Variants in EPM2A observed in about 807,000 individuals in gnomAD.
EPM2A encodes the protein EPM2A glucan phosphatase, laforin, also known as laforin.
In EPM2A, 21 loss-of-function variants were observed where a neutral mutation model predicts 26.5. The observed-to-expected ratio is 0.79, with a 90% CI of 0.56 to 1.14. The LOEUF is 1.14. Ranked by LOEUF, EPM2A falls within the 50% of genes most tolerant of loss-of-function variation. The pLI is 0.00. For synonymous variants in EPM2A, 217 were observed against 177.6 expected (o/e 1.22, Z -1.76); for missense variants, 458 against 440.8 (o/e 1.04, Z -0.35).
chr6:145,445,055 G>T (rs1254196334), intron 4 of EPM2A, among the ~76,000 whole-genome samples: 1 of 152,028 alleles, frequency 6.6e-6, no homozygotes, highest in Admixed American at 6.6e-5. Context: ...AAGGTGCTGT[G>T]TGTGTATATT....
chr6:145,600,024 T>C (rs147905041), intron 2 of EPM2A, among the ~76,000 whole-genome samples: 2 of 152,290 alleles, frequency 1.3e-5, no homozygotes, highest in Admixed American at 1.3e-4. Context: ...TTTCTGGATA[T>C]AAAAATGATA....
intron 4 of EPM2A, chr6:145,489,917 G>C: frequency 3.7e-6 from 5 of 1,350,176 alleles, no homozygotes; most frequent in East Asian, 2.3e-5. Context: ...GTCTGAATTC[G>C]ACCCACTTCT....
chr6:145,723,402 ATAATT>A (rs1487180178), intron 1 of EPM2A, among the ~76,000 whole-genome samples: 1 of 152,178 alleles, frequency 6.6e-6, no homozygotes, highest in Non-Finnish European at 1.5e-5. Context: ...CAAGAAAGAT[ATAATT>A]TAGACTATAT....
chr6:145,627,848 G>A lies in EPM2A; in HGVS notation c.719-155C>T, dbSNP rs906649133. The A allele has an allele frequency of 4.6e-6, 5 of 1,096,718 alleles. No individual in the cohort carries two copies. In the Admixed American group the frequency reaches 9.3e-5, roughly 20 times the overall value. The allele number at this position is 1,096,718 out of a possible 1,614,324, so 67.9% of individuals were successfully genotyped here. On this transcript the variant is annotated intron_variant, in intron 3 of 3. Transcript: ENST00000367519. ...CTTTCTGCATTGTGAAGGAAAAAGT[G>A]AGACCATTTTACAATCTGCTAATAG...
chr6:145,532,497 TG>T (rs1225556806), intron 2 of EPM2A, among the ~76,000 whole-genome samples: 2 of 151,754 alleles, frequency 1.3e-5, no homozygotes, highest in African/African-American at 4.8e-5. Context: ...TCTCTGGGGG[TG>T]GGGGGAGGCA....
intron 2 of EPM2A, among the ~76,000 whole-genome samples, chr6:145,525,640 G>C (rs899992653): frequency 6.6e-6 from 1 of 152,054 alleles, no homozygotes; most frequent in African/African-American, 2.4e-5. Context: ...TGTGTACATT[G>C]ATTTTGTTTC....
At chr6:145,735,132 G>T in intron 1 of EPM2A, 66 bp downstream of exon 1, 2 of 1,269,182 alleles carry the variant, frequency 1.6e-6, no homozygotes, top group Non-Finnish European at 2.1e-6. Flanking sequence ...CGAGGCCGAG[G>T]CCCCGGTTGG....
At chr6:145,572,175 G>A (rs1780967138) in intron 2 of EPM2A, among the ~76,000 whole-genome samples, 1 of 152,142 alleles carries the variant, frequency 6.6e-6, no homozygotes, top group African/African-American at 2.4e-5. Context: ...TGTCCTTCAG[G>A]GATGTTCTAG....
At chr6:145,621,909 T>C (rs538205836), downstream of EPM2A, among the ~76,000 whole-genome samples, 3 of 152,340 alleles carry the variant, frequency 2.0e-5, no homozygotes, top group Admixed American at 6.5e-5. Context: ...ATTTGTTTTC[T>C]TGTTTCTGTT....
At chr6:145,435,663 T>C (rs760075122) in intron 4 of EPM2A, among the ~76,000 whole-genome samples, 21 of 151,988 alleles carry the variant, frequency 1.4e-4, no homozygotes, top group Non-Finnish European at 2.8e-4. Flanking sequence ...TATTTCTGTA[T>C]AGCAATGCAA....
intron 1 of EPM2A, among the ~76,000 whole-genome samples, chr6:145,721,963 T>C (rs1011534509): frequency 7.2e-5 from 11 of 152,210 alleles, no homozygotes; most frequent in African/African-American, 2.7e-4. Context: ...AACACTACTT[T>C]CTTTAATTTG....
At chr6:145,408,016 T>A (rs1475027251) in intron 4 of EPM2A, among the ~76,000 whole-genome samples, 1 of 152,194 alleles carries the variant, frequency 6.6e-6, no homozygotes, top group African/African-American at 2.4e-5. Flanking sequence ...ATTAAAAACA[T>A]GAAACTTACT....
In EPM2A at chr6:145,625,311, TA is replaced by T. The variant is rs2128554610; in HGVS notation, c.*2104del. On this transcript the variant is annotated 3_prime_UTR_variant, in exon 4 of 4. Coordinates refer to ENST00000367519, the MANE Select transcript of EPM2A (RefSeq NM_005670.4). ...AAAATCCTGTACAGAAAGGTCTTTTTAAATGCTTTTATTTGCCAAAAGTTTT... is the reference window on the plus strand; with the variant it reads ...AAAATCCTGTACAGAAAGGTCTTTTTAATGCTTTTATTTGCCAAAAGTTTT... 5.7e-6 allele frequency: 1 copy of T among 174,400 alleles called. No individual in the cohort carries two copies. Among genetic ancestry groups the T allele is most frequent in the African/African-American group, 2.4e-5 (1 of 42,058 alleles). 10.8% of individuals were successfully genotyped at this position (174,400 alleles called of 1,614,324 possible).
At chr6:145,707,528 G>A (rs1455204552) in intron 1 of EPM2A, among the ~76,000 whole-genome samples, 1 of 152,104 alleles carries the variant, frequency 6.6e-6, no homozygotes, top group African/African-American at 2.4e-5. Context: ...GAATCATGGG[G>A]GTGGGTTTTT....
intron 2 of EPM2A, among the ~76,000 whole-genome samples, chr6:145,585,494 G>A (rs1435822774): frequency 6.6e-6 from 1 of 152,036 alleles, no homozygotes; most frequent in East Asian, 1.9e-4. Flanking sequence ...CTTCTGCAAT[G>A]TCGAATACCA....
chr6:145,472,386 G>A (rs1779486113), intron 4 of EPM2A, among the ~76,000 whole-genome samples: 1 of 151,864 alleles, frequency 6.6e-6, no homozygotes. Flanking sequence ...CAAGCAGAGG[G>A]AAAAGCAAAG....
intron 2 of EPM2A, chr6:145,685,035 T>G (rs1780807820): frequency 6.6e-6 from 1 of 152,212 alleles, no homozygotes; most frequent in African/African-American, 2.4e-5. Flanking sequence ...ACACATTCTT[T>G]AAGAATATGA....
At chr6:145,735,767 G>C (rs543700717), upstream of EPM2A, 10 of 376,836 alleles carry the variant, frequency 2.7e-5, no homozygotes, top group Admixed American at 2.4e-4. Context: ...ACCTGTGGGC[G>C]CTGGGGACAC....
At chr6:145,475,287 TA>T (rs766046545) in intron 4 of EPM2A, among the ~76,000 whole-genome samples, 1 of 152,038 alleles carries the variant, frequency 6.6e-6, no homozygotes, top group Non-Finnish European at 1.5e-5. Context: ...TATGCAGTCA[TA>T]AAAAAGGATG....
Sources: allele counts gnomAD v4.1 joint callset (sites outside exome capture counted in the v4.1 genomes callset), GRCh38; gene constraint gnomAD v4.1.1; transcripts MANE v1.5; gene names NCBI Gene and HGNC (gene_info 2026-07-23, HGNC 2026-07-21).